The following FARS2 variants were observed in gnomAD, a reference collection of about 807,000 sequenced individuals.
The protein encoded by FARS2 is phenylalanyl-tRNA synthetase 2, mitochondrial.
FARS2 carries 40 observed loss-of-function variants against 46.4 expected under a neutral mutation model. The observed-to-expected ratio is 0.86, with a 90% CI of 0.67 to 1.12. The LOEUF is 1.12. Among genes scored for constraint, FARS2 ranks in the 50% most tolerant of loss-of-function variants. The pLI is 0.00. For missense variants in FARS2, 513 were observed against 567.9 expected, an observed-to-expected ratio of 0.90 and a Z score of 0.98; for synonymous variants, 234 against 214.9, an observed-to-expected ratio of 1.09 and a Z score of -0.78.
chr6:5,683,120 T>G (rs1263285124), intron 6 of FARS2, among the ~76,000 whole-genome samples: 1 of 152,126 alleles, frequency 6.6e-6, no homozygotes, highest in Non-Finnish European at 1.5e-5. Flanking sequence ...ATTTACTCAT[T>G]TAGCATGTGA....
intron 1 of FARS2, among the ~76,000 whole-genome samples, chr6:5,349,261 G>A (rs1189184192): frequency 6.6e-6 from 1 of 152,046 alleles, no homozygotes; most frequent in Non-Finnish European, 1.5e-5. Context: ...AAATACTTAG[G>A]TATAAATTTA....
chr6:5,341,895 T>C (rs1423720237), intron 1 of FARS2, among the ~76,000 whole-genome samples: 1 of 152,206 alleles, frequency 6.6e-6, no homozygotes, highest in African/African-American at 2.4e-5. Flanking sequence ...AAAAAAATAA[T>C]TTCCAGTTCT....
At chr6:5,639,791 G>A (rs1582647710) in intron 6 of FARS2, among the ~76,000 whole-genome samples, 1 of 152,156 alleles carries the variant, frequency 6.6e-6, no homozygotes, top group East Asian at 1.9e-4. Context: ...CTGAAGATGG[G>A]GTCAGTGCCT....
intron 5 of FARS2, among the ~76,000 whole-genome samples, chr6:5,592,003 A>G (rs1180201802): frequency 1.3e-5 from 2 of 152,252 alleles, no homozygotes; most frequent in African/African-American, 4.8e-5. Flanking sequence ...AAGACTGTCT[A>G]AGATGGGTCG....
At chr6:5,309,513 G>T (rs1189790188) in intron 1 of FARS2, among the ~76,000 whole-genome samples, 1 of 152,164 alleles carries the variant, frequency 6.6e-6, no homozygotes, top group Non-Finnish European at 1.5e-5. Context: ...AGAAATCTGG[G>T]TGGCTAAGGA....
At chr6:5,615,270 T>C (rs1272877273) in intron 6 of FARS2, among the ~76,000 whole-genome samples, 2 of 152,258 alleles carry the variant, frequency 1.3e-5, no homozygotes, top group Non-Finnish European at 2.9e-5. Flanking sequence ...CTGACTTCTG[T>C]ACCTATTATT....
At chr6:5,395,569 A>G (rs973757353) in intron 2 of FARS2, among the ~76,000 whole-genome samples, 1 of 152,126 alleles carries the variant, frequency 6.6e-6, no homozygotes, top group Non-Finnish European at 1.5e-5. Flanking sequence ...TTTTCTCTGT[A>G]CCATTACTAG....
intron 1 of FARS2, among the ~76,000 whole-genome samples, chr6:5,364,799 G>A (rs1758541507): frequency 6.6e-6 from 1 of 152,196 alleles, no homozygotes; most frequent in Non-Finnish European, 1.5e-5. Flanking sequence ...TTGGGAGGCT[G>A]AGGTGGGCAG....
intron 1 of FARS2, among the ~76,000 whole-genome samples, chr6:5,357,597 A>G (rs1758014835): frequency 6.6e-6 from 1 of 152,262 alleles, no homozygotes. Context: ...CTCTGGAATT[A>G]TAGATCATGT....
At chr6:5,636,281 T>G (rs1776541899) in intron 6 of FARS2, among the ~76,000 whole-genome samples, 1 of 152,212 alleles carries the variant, frequency 6.6e-6, no homozygotes, top group Admixed American at 6.5e-5. Context: ...AAAATTTGAT[T>G]ACAGAACCTG....
At chr6:5,263,106 T>A (rs1449206975) in intron 1 of FARS2, among the ~76,000 whole-genome samples, 1 of 152,232 alleles carries the variant, frequency 6.6e-6, no homozygotes, top group Admixed American at 6.5e-5. Context: ...TTGGCTTTTT[T>A]AAAAATAGCA....
At chr6:5,460,441 G>C (rs1378076782) in intron 4 of FARS2, among the ~76,000 whole-genome samples, 3 of 152,226 alleles carry the variant, frequency 2.0e-5, no homozygotes, top group Admixed American at 2.0e-4. Flanking sequence ...ACTTAAAACA[G>C]ATATTAGGTG....
At chr6:5,448,288 T>C (rs1764288530) in intron 4 of FARS2, among the ~76,000 whole-genome samples, 2 of 152,224 alleles carry the variant, frequency 1.3e-5, no homozygotes, top group South Asian at 2.1e-4. Context: ...CTTCATGTAT[T>C]GTATACAATT....
intron 4 of FARS2, among the ~76,000 whole-genome samples, chr6:5,454,962 A>G (rs1396619728): frequency 2.0e-5 from 3 of 152,238 alleles, no homozygotes; most frequent in South Asian, 4.2e-4. Context: ...TAGTAAACCA[A>G]TTGTGATTAT....
chr6:5,573,813 G>A (rs147759256), intron 5 of FARS2, among the ~76,000 whole-genome samples: 1 of 152,182 alleles, frequency 6.6e-6, no homozygotes, highest in Admixed American at 6.5e-5. Context: ...TGCATTCCTT[G>A]TACATTCAGG....
intron 1 of FARS2, among the ~76,000 whole-genome samples, chr6:5,299,914 C>T (rs1768172945): frequency 6.6e-6 from 1 of 151,806 alleles, no homozygotes; most frequent in Admixed American, 6.6e-5. Flanking sequence ...GTCACATAAG[C>T]CAATTTCCAT....
chr6:5,545,082 G>A, intron 4 of FARS2, 98 bp from the exon 5 acceptor site: 2 of 1,161,958 alleles, frequency 1.7e-6, no homozygotes, highest in Non-Finnish European at 2.5e-6. Flanking sequence ...CCCGCTGGTA[G>A]GCATCTAATT....
At chr6:5,529,452 C>T (rs1391142204) in intron 4 of FARS2, among the ~76,000 whole-genome samples, 2 of 152,204 alleles carry the variant, frequency 1.3e-5, no homozygotes, top group Admixed American at 6.5e-5. Context: ...GGGCTACAGG[C>T]GCCTGCCACC....
At chr6:5,532,365 T>A (rs1769897045) in intron 4 of FARS2, among the ~76,000 whole-genome samples, 1 of 152,252 alleles carries the variant, frequency 6.6e-6, no homozygotes, top group Non-Finnish European at 1.5e-5. Flanking sequence ...TCAACATAGA[T>A]GATACCAGTT....
Sources: allele counts gnomAD v4.1 joint callset (sites outside exome capture counted in the v4.1 genomes callset), GRCh38; gene constraint gnomAD v4.1.1; transcripts MANE v1.5; gene names NCBI Gene and HGNC (gene_info 2026-07-23, HGNC 2026-07-21).